Variants in PRRC2B observed in about 807,000 individuals in gnomAD.
PRRC2B encodes protein PRRC2B.
PRRC2B carries 68 observed loss-of-function variants against 242.3 expected under a neutral mutation model. The ratio of observed to expected loss-of-function variants is 0.28; its 90% CI spans 0.23 to 0.34. PRRC2B has a LOEUF of 0.34. Among genes scored for constraint, PRRC2B ranks in the 10% least tolerant of loss-of-function variants. PRRC2B has a pLI of 1.00. For synonymous variants in PRRC2B, 1,228 were observed against 1,173.6 expected, an observed-to-expected ratio of 1.05 and a Z score of -0.95; for missense variants, 2,835 against 2,954.8, an observed-to-expected ratio of 0.96 and a Z score of 0.94.
chr9:131,481,326 A>AAG (rs1943858961), intron 19 of PRRC2B, among the ~76,000 whole-genome samples: 1 of 151,278 alleles, frequency 6.6e-6, no homozygotes, highest in African/African-American at 2.4e-5. Flanking sequence ...AAAAAAAAAA[A>AAG]AAAAAAGAAA....
intron 1 of PRRC2B, among the ~76,000 whole-genome samples, chr9:131,386,834 CAT>C (rs143181940): frequency 8.1e-5 from 12 of 147,474 alleles, no homozygotes; most frequent in African/African-American, 4.9e-5. Context: ...ATATATAAGT[CAT>C]ATATATATAT....
chr9:131,473,738 T>A lies in PRRC2B; in HGVS notation c.2324+14T>A. The A allele has an allele frequency of 6.2e-7, 1 of 1,603,118 alleles. No homozygotes were observed. The highest frequency in any genetic ancestry group is 8.5e-7 in the Non-Finnish European group (1 of 1,172,400). ...CATGCGTGTCAGGTGAGATGAAGCC[T>A]GGTCCTGCTGCCTTGCCACTGAAGG... On this transcript the variant is annotated intron_variant, in intron 15 of 31. Transcript: ENST00000683519.
At chr9:131,423,930 C>G (rs1290636753) in intron 1 of PRRC2B, among the ~76,000 whole-genome samples, 1 of 146,540 alleles carries the variant, frequency 6.8e-6, no homozygotes, top group Non-Finnish European at 1.5e-5. Context: ...TAAGCCATTT[C>G]TTTCTGCTAC....
chr9:131,396,567 T>C (rs1215582548), intron 1 of PRRC2B, among the ~76,000 whole-genome samples: 1 of 151,928 alleles, frequency 6.6e-6, no homozygotes, highest in Non-Finnish European at 1.5e-5. Flanking sequence ...TTCAGGTGAT[T>C]TGCCTGCCTT....
At chr9:131,384,264 T>TTGTATGTG in intron 1 of PRRC2B, among the ~76,000 whole-genome samples, 1 of 149,244 alleles carries the variant, frequency 6.7e-6, no homozygotes, top group East Asian at 2.0e-4. Flanking sequence ...TGGCTAATTT[T>TTGTATGTG]TGTATGTATG....
At chr9:131,420,501 T>TCTTTCTTTCTTTCTTTC (rs1837804218) in intron 1 of PRRC2B, among the ~76,000 whole-genome samples, 1 of 19,022 alleles carries the variant, frequency 5.3e-5, no homozygotes, top group African/African-American at 1.4e-4. Context: ...TTCTTTTTTT[T>TCTTTCTTTCTTTCTTTC]TTTTTTTTTG....
In PRRC2B at chr9:131,494,832, G is replaced by A. The variant is rs1350281569; in HGVS notation, c.6555+346G>A. Among the ~76,000 whole-genome samples, 4 of 152,174 alleles carry A rather than the reference G, an allele frequency of 2.6e-5. No individual in the cohort carries two copies. Among genetic ancestry groups the A allele is most frequent in the South Asian group, 2.1e-4 (1 of 4,830 alleles). Reference sequence around the variant, plus strand: ...GGGTCGGCTTTAGGAGCCGGGGTGCGCGCGCTGGTTCTAGTCAGTGGTGTG... The same window carrying A: ...GGGTCGGCTTTAGGAGCCGGGGTGCACGCGCTGGTTCTAGTCAGTGGTGTG... On this transcript the variant is annotated intron_variant, in intron 31 of 31. Transcript: ENST00000683519. The surrounding 1 kb of genome is among the most constrained non-coding windows in gnomAD (Gnocchi z 4.3).
At position 131,444,311 on chromosome 9, in the gene PRRC2B, C is replaced by G. The variant is rs1838713929; in HGVS notation, c.596C>G (p.Pro199Arg). Reference sequence around the variant, plus strand: ...TTAGATCTGTCGTATGGGCCAGGACCAAGCCTCCGCCCTCAGAGTAAGTGA... The same window carrying G: ...TTAGATCTGTCGTATGGGCCAGGACGAAGCCTCCGCCCTCAGAGTAAGTGA... ...GVLDLSYGPG[P>R]SLRPQNVTSW... Residue 199 changes from proline to arginine, a missense_variant, in exon 6 of 32, where the codon CCA (proline) becomes CGA (arginine). Pro to Arg is a moderately radical substitution (Grantham distance 103, BLOSUM62 -2). Transcript: ENST00000683519. The G allele has an allele frequency of 6.2e-7, 1 of 1,612,494 alleles. No individual in the cohort carries two copies. Among genetic ancestry groups the G allele is most frequent in the Non-Finnish European group, 8.5e-7 (1 of 1,179,258 alleles).
chr9:131,373,952 C>T (rs1486017607), intron 1 of PRRC2B, among the ~76,000 whole-genome samples: 1 of 151,236 alleles, frequency 6.6e-6, no homozygotes, highest in Non-Finnish European at 1.5e-5. Flanking sequence ...CCAGCTACTC[C>T]GGAGGCTAAG....
intron 23 of PRRC2B, 42 bp downstream of exon 23, chr9:131,483,487 G>T: frequency 6.4e-7 from 1 of 1,561,020 alleles, no homozygotes; most frequent in Non-Finnish European, 8.8e-7. Flanking sequence ...CACTGCTTGG[G>T]GCTGGCAGGC....
At chr9:131,407,002 G>T (rs1837381503) in intron 1 of PRRC2B, among the ~76,000 whole-genome samples, 1 of 152,238 alleles carries the variant, frequency 6.6e-6, no homozygotes, top group African/African-American at 2.4e-5. Flanking sequence ...GGTGGGAGGT[G>T]TGACTGTTTA....
chr9:131,391,587 A>C (rs1389517077), upstream of PRRC2B, among the ~76,000 whole-genome samples: 1 of 152,152 alleles, frequency 6.6e-6, no homozygotes, highest in Non-Finnish European at 1.5e-5. Context: ...TTGCCTCCAC[A>C]AAGTCTACTT....
At chr9:131,397,768 G>A (rs1463830692) in intron 1 of PRRC2B, among the ~76,000 whole-genome samples, 1 of 151,974 alleles carries the variant, frequency 6.6e-6, no homozygotes, top group Non-Finnish European at 1.5e-5. Context: ...ACCGTGAAAT[G>A]TACATATCTT....
At chr9:131,472,301 A>G (rs1943568225) in intron 14 of PRRC2B, among the ~76,000 whole-genome samples, 1 of 151,778 alleles carries the variant, frequency 6.6e-6, no homozygotes, top group Non-Finnish European at 1.5e-5. Context: ...TATTGGGATG[A>G]TGATTATTAT....
intron 23 of PRRC2B, among the ~76,000 whole-genome samples, chr9:131,483,964 C>T (rs536003333): frequency 3.9e-5 from 6 of 152,356 alleles, no homozygotes; most frequent in African/African-American, 9.6e-5. Context: ...GGGGTGGGTG[C>T]TAGTGCATAT....
chr9:131,377,527 G>A (rs891939589), intron 1 of PRRC2B, among the ~76,000 whole-genome samples: 1 of 151,618 alleles, frequency 6.6e-6, no homozygotes, highest in African/African-American at 2.4e-5. Context: ...GTGTGTGTGT[G>A]ATGGCATTTA....
At chr9:131,417,344 T>A (rs1254648901) in intron 1 of PRRC2B, among the ~76,000 whole-genome samples, 5 of 152,068 alleles carry the variant, frequency 3.3e-5, no homozygotes, top group Admixed American at 2.6e-4. Context: ...CCCTTCCCCC[T>A]CTGACCCTGG....
intron 1 of PRRC2B, among the ~76,000 whole-genome samples, chr9:131,383,706 C>T (rs1836791560): frequency 1.3e-5 from 2 of 149,526 alleles, no homozygotes; most frequent in East Asian, 4.0e-4. Flanking sequence ...ACTGCAACCT[C>T]CGCCTCATGG....
intron 12 of PRRC2B, among the ~76,000 whole-genome samples, chr9:131,466,907 T>TA (rs1460244146): frequency 1.3e-5 from 2 of 152,008 alleles, no homozygotes; most frequent in African/African-American, 4.8e-5. Context: ...GTTCATGCCA[T>TA]TCTCCTGCCT....
Sources: allele counts gnomAD v4.1 joint callset (sites outside exome capture counted in the v4.1 genomes callset), GRCh38; gene constraint gnomAD v4.1.1; non-coding constraint Gnocchi (gnomAD v3.1); transcripts MANE v1.5; gene names NCBI Gene and HGNC (gene_info 2026-07-23, HGNC 2026-07-21).